Variants in GPC5 observed in about 807,000 individuals in gnomAD.
GPC5 encodes the protein glypican 5.
GPC5 carries 47 observed loss-of-function variants against 53.9 expected under a neutral mutation model. The ratio of observed to expected loss-of-function variants is 0.87; its 90% confidence interval spans 0.69 to 1.11. The LOEUF (loss-of-function observed/expected upper bound fraction) is 1.11, where lower values mean the gene tolerates loss of function less well. Among genes scored for constraint, GPC5 ranks in the 50% most tolerant of loss-of-function variants. GPC5 has a pLI of 0.00. For missense variants in GPC5, 748 were observed against 713.1 expected (o/e 1.05, Z -0.56); for synonymous variants, 286 against 263.3 (o/e 1.09, Z -0.84).
chr13:92,723,196 A>C (rs914747509), intron 7 of GPC5, among the ~76,000 whole-genome samples: 5 of 151,740 alleles, frequency 3.3e-5, no homozygotes, highest in Admixed American at 6.6e-5. Flanking sequence ...GGTACTCAGA[A>C]CTGAAATTAA....
chr13:91,539,586 G>T (rs1225275578), intron 2 of GPC5, among the ~76,000 whole-genome samples: 2 of 152,076 alleles, frequency 1.3e-5, no homozygotes, highest in East Asian at 1.9e-4. Context: ...ACTCTCACTG[G>T]CTGTTTTTGG....
At chr13:91,745,973 T>A (rs1253102375) in intron 4 of GPC5, among the ~76,000 whole-genome samples, 1 of 152,206 alleles carries the variant, frequency 6.6e-6, no homozygotes, top group Non-Finnish European at 1.5e-5. Context: ...GAAAATCTAA[T>A]TTTTGTATTC....
chr13:92,390,900 T>A (rs1260942511), intron 7 of GPC5, among the ~76,000 whole-genome samples: 1 of 152,192 alleles, frequency 6.6e-6, no homozygotes, highest in Non-Finnish European at 1.5e-5. Context: ...TTGGTTCAAC[T>A]GGTCACATAA....
intron 7 of GPC5, among the ~76,000 whole-genome samples, chr13:92,445,483 A>T (rs373868774): frequency 2.1e-5 from 2 of 95,996 alleles, no homozygotes; most frequent in Non-Finnish European, 3.9e-5. Flanking sequence ...ACCCCACAAC[A>T]GTCCCCAGAG....
At chr13:91,695,198 C>T (rs1399321274) in intron 3 of GPC5, among the ~76,000 whole-genome samples, 1 of 152,006 alleles carries the variant, frequency 6.6e-6, no homozygotes, top group African/African-American at 2.4e-5. Context: ...GATGTAATGG[C>T]CTGGTCTTCT....
chr13:92,054,847 A>T (rs1424692971), intron 6 of GPC5, among the ~76,000 whole-genome samples: 2 of 152,158 alleles, frequency 1.3e-5, no homozygotes, highest in African/African-American at 4.8e-5. Context: ...AATCCCCAGG[A>T]TTAAAGGAAA....
At chr13:92,191,118 A>G (rs1485033049) in intron 7 of GPC5, among the ~76,000 whole-genome samples, 2 of 152,142 alleles carry the variant, frequency 1.3e-5, no homozygotes, top group African/African-American at 2.4e-5. Context: ...CTGGAGATAA[A>G]AAAGGGGCAT....
intron 7 of GPC5, among the ~76,000 whole-genome samples, chr13:92,164,235 G>A (rs1273369541): frequency 1.3e-5 from 2 of 151,996 alleles, no homozygotes; most frequent in African/African-American, 4.8e-5. Context: ...CAACATCTTA[G>A]CTCACTCCAG....
intron 7 of GPC5, 148 bp downstream of exon 7, chr13:92,145,137 G>A (rs2041858072): frequency 6.5e-6 from 4 of 612,832 alleles, no homozygotes; most frequent in Non-Finnish European, 7.3e-6. Context: ...TGGTTTTTTA[G>A]GACATACATT....
intron 7 of GPC5, among the ~76,000 whole-genome samples, chr13:92,535,398 A>G (rs1486223500): frequency 6.6e-6 from 1 of 152,088 alleles, no homozygotes; most frequent in African/African-American, 2.4e-5. Flanking sequence ...AGGCGCCGCA[A>G]CCCAGGAGAC....
chr13:92,500,622 A>C (rs1216122599), intron 7 of GPC5, among the ~76,000 whole-genome samples: 1 of 151,992 alleles, frequency 6.6e-6, no homozygotes, highest in Non-Finnish European at 1.5e-5. Flanking sequence ...TTTATTTTAC[A>C]ATTTTTCCCC....
chr13:91,755,337 A>C lies in GPC5; in HGVS notation c.1155-958A>C, dbSNP rs74456105. On this transcript the variant is annotated intron_variant, in intron 4 of 7. Coordinates refer to ENST00000377067, the MANE Select transcript of GPC5 (RefSeq NM_004466.6). Reference sequence around the variant, plus strand: ...TTGCTACATTTTAACTGCATATTCCATGAATTTCTAAAGTTTACTTTCCTT... The same window carrying C: ...TTGCTACATTTTAACTGCATATTCCCTGAATTTCTAAAGTTTACTTTCCTT... Among the ~76,000 whole-genome samples, 1,048 of 152,218 alleles carry C rather than the reference A, an allele frequency of 6.9e-3. 11 individuals are homozygous for C. Among genetic ancestry groups the C allele is most frequent in the African/African-American group, 0.024 (1,010 of 41,558 alleles).
chr13:92,073,863 T>C (rs1051413632), intron 6 of GPC5, among the ~76,000 whole-genome samples: 3 of 152,158 alleles, frequency 2.0e-5, no homozygotes, highest in Non-Finnish European at 4.4e-5. Flanking sequence ...TGGGACGTAA[T>C]TGAATCATGG....
intron 7 of GPC5, among the ~76,000 whole-genome samples, chr13:92,215,120 T>C (rs1267186534): frequency 2.0e-5 from 3 of 152,176 alleles, no homozygotes; most frequent in Non-Finnish European, 2.9e-5. Context: ...GAGATTTAAC[T>C]GAGTAACAAA....
At chr13:91,545,500 G>A (rs373978465) in intron 2 of GPC5, among the ~76,000 whole-genome samples, 49 of 152,132 alleles carry the variant, frequency 3.2e-4, no homozygotes, top group Middle Eastern at 6.8e-3. Context: ...TATTTACTCT[G>A]ATTTTCATAA....
chr13:91,813,133 C>A (rs932161409), intron 5 of GPC5, among the ~76,000 whole-genome samples: 2 of 152,140 alleles, frequency 1.3e-5, no homozygotes, highest in African/African-American at 2.4e-5. Context: ...ATAAAGGTTT[C>A]TTTTGATCCT....
At chr13:92,495,079 G>T (rs1331466713) in intron 7 of GPC5, among the ~76,000 whole-genome samples, 3 of 152,156 alleles carry the variant, frequency 2.0e-5, no homozygotes, top group Non-Finnish European at 4.4e-5. Flanking sequence ...ATTGTGTGAA[G>T]ATGTCTTTTT....
chr13:92,762,548 T>C (rs1371878401), intron 7 of GPC5, among the ~76,000 whole-genome samples: 1 of 152,164 alleles, frequency 6.6e-6, no homozygotes, highest in Non-Finnish European at 1.5e-5. Flanking sequence ...ATAATGTATG[T>C]CAGGACCTCT....
In GPC5 at chr13:92,692,594, T is replaced by G. The variant is rs1887433244; in HGVS notation, c.1562-173688T>G. Among the ~76,000 whole-genome samples the G allele has an allele frequency of 2.0e-5, 3 of 150,268 alleles. No individual in the cohort carries two copies. In the South Asian group the frequency reaches 6.5e-4, roughly 32 times the overall value. On this transcript the variant is annotated intron_variant, in intron 7 of 7. Transcript: ENST00000377067. ...TACCTAATGCTAGATGATGAGTTAG[T>G]GGGTGCAGTACACCAGCATGGCACA...
Sources: gnomAD v4.1 joint callset for allele counts (sites outside exome capture counted in the v4.1 genomes callset) on GRCh38, gnomAD v4.1.1 for gene constraint, MANE v1.5 for transcripts, NCBI Gene and HGNC (gene_info 2026-07-23, HGNC 2026-07-21) for gene names.